The following VPS13B variants were observed in gnomAD, a reference collection of about 807,000 sequenced individuals.
The protein encoded by VPS13B is intermembrane lipid transfer protein VPS13B.
VPS13B carries 285 observed loss-of-function variants against 426.4 expected under a neutral mutation model. That is an observed-to-expected ratio of 0.67 (90% CI 0.61 to 0.74). The LOEUF (loss-of-function observed/expected upper bound fraction) is 0.74, where lower values mean the gene tolerates loss of function less well. Among genes scored for constraint, VPS13B ranks in the 30% least tolerant of loss-of-function variants. The pLI, the probability that VPS13B is intolerant of heterozygous loss-of-function variation, is 0.00. For missense variants in VPS13B, 4,537 were observed against 4,782.6 expected (o/e 0.95, Z 1.51); for synonymous variants, 1,676 against 1,676.4 (o/e 1.00, Z 0.01).
At chr8:99,274,162 C>A (rs763867732) in intron 17 of VPS13B, 36 bp from the exon 18 acceptor site, 4 of 1,613,470 alleles carry the variant, frequency 2.5e-6, no homozygotes, top group Non-Finnish European at 3.4e-6. Context: ...TATTTAAATT[C>A]AATCGGCTAG....
At chr8:99,791,260 A>G (rs533196585) in intron 43 of VPS13B, among the ~76,000 whole-genome samples, 2 of 152,278 alleles carry the variant, frequency 1.3e-5, no homozygotes, top group Admixed American at 6.5e-5. Context: ...GGGATGGCCA[A>G]CTTTCATGGT....
At chr8:99,421,972 G>A (rs560085179) in intron 21 of VPS13B, among the ~76,000 whole-genome samples, 7 of 152,192 alleles carry the variant, frequency 4.6e-5, no homozygotes, top group South Asian at 2.1e-4. Context: ...GTAAGCCACC[G>A]TGCCTGGACA....
chr8:99,264,059 G>C (rs1223483058), intron 17 of VPS13B, among the ~76,000 whole-genome samples: 1 of 151,894 alleles, frequency 6.6e-6, no homozygotes, highest in African/African-American at 2.4e-5. Context: ...GTTAATAACT[G>C]TCTTGGAGTT....
At chr8:99,419,052 A>G (rs1158701581) in intron 21 of VPS13B, among the ~76,000 whole-genome samples, 2 of 152,150 alleles carry the variant, frequency 1.3e-5, no homozygotes, top group Non-Finnish European at 2.9e-5. Flanking sequence ...TCTTCACCCA[A>G]ATCTCATGTG....
intron 3 of VPS13B, among the ~76,000 whole-genome samples, chr8:99,085,644 T>C (rs1002139858): frequency 1.3e-5 from 2 of 152,218 alleles, no homozygotes; most frequent in Non-Finnish European, 1.5e-5. Flanking sequence ...AGGGCAGGCC[T>C]GGTGGTGACA....
At chr8:99,758,766 C>G (rs1175006200) in intron 39 of VPS13B, among the ~76,000 whole-genome samples, 4 of 152,128 alleles carry the variant, frequency 2.6e-5, no homozygotes, top group Admixed American at 2.6e-4. Context: ...TTCCACTTTG[C>G]CCTCTGGATC....
chr8:99,022,459 T>G (rs1841946161), intron 2 of VPS13B, among the ~76,000 whole-genome samples: 2 of 152,202 alleles, frequency 1.3e-5, no homozygotes, highest in Admixed American at 1.3e-4. Context: ...GATTTCTAAT[T>G]TAATTCCACT....
rs1814119139 is a variant in VPS13B at position 99,817,591 on chromosome 8, G to C, written c.8149G>C (p.Glu2717Gln). 2.5e-6 allele frequency: 4 copies of C among 1,613,864 alleles called. No individual in the cohort carries two copies. The African/African-American group carries it at 5.3e-5, about 22-fold the overall frequency. Residue 2717 changes from glutamate to glutamine, a missense_variant, in exon 45 of 62, where the codon GAA becomes CAA. Around this residue, in one of 2 missense-constraint regions of VPS13B, gnomAD observed 4,311 missense variants for 4,474.3 expected, o/e 0.96. Transcript: ENST00000357162. Reference sequence around the variant, plus strand: ...CTGTAGTTACTTGTCTCAAAGCATAGAACTAAAAGTCGTTCAGCATTACAT... The same window carrying C: ...CTGTAGTTACTTGTCTCAAAGCATACAACTAAAAGTCGTTCAGCATTACAT... ...IICSYLSQSI[E>Q]LKVVQHYIGQ...
intron 33 of VPS13B, among the ~76,000 whole-genome samples, chr8:99,583,517 T>C (rs534573730): frequency 1.3e-4 from 20 of 152,246 alleles, no homozygotes; most frequent in Admixed American, 2.6e-4. Context: ...TAGAGGTTGT[T>C]TGGGGTGGTA....
At chr8:99,406,894 G>A (rs1392462242) in intron 21 of VPS13B, among the ~76,000 whole-genome samples, 1 of 152,210 alleles carries the variant, frequency 6.6e-6, no homozygotes, top group East Asian at 1.9e-4. Context: ...GTGTTAGATA[G>A]GGTTTGTAAC....
chr8:99,642,342 C>G lies in VPS13B; in HGVS notation c.5752C>G (p.Arg1918Gly). 1 of 1,614,076 alleles carries G rather than the reference C, an allele frequency of 6.2e-7. No individual in the cohort carries two copies. Among genetic ancestry groups the G allele is most frequent in the Non-Finnish European group, 8.5e-7 (1 of 1,180,000 alleles). Residue 1918 changes from arginine to glycine, a missense_variant, in exon 34 of 62, where the codon CGA (arginine) becomes GGA (glycine). By Grantham distance (125) the Arg-to-Gly change is moderately radical. Around this residue, in one of 2 missense-constraint regions of VPS13B, gnomAD observed 4,311 missense variants for 4,474.3 expected, o/e 0.96. Coordinates refer to ENST00000357162, the MANE Select transcript of VPS13B (RefSeq NM_152564.5). ...TATAACTATTGTTCGGCAGCCTGGT[C>G]GAAGAGGAACTGGTGACTTACAGCT... ...LGITIVRQPG[R>G]RGTGDLQLEP... is the part of the protein sequence containing the mutation.
intron 39 of VPS13B, among the ~76,000 whole-genome samples, chr8:99,725,931 C>T (rs939872954): frequency 6.6e-6 from 1 of 152,088 alleles, no homozygotes; most frequent in Admixed American, 6.6e-5. Flanking sequence ...AGGTTTAGTC[C>T]TCAAAACAGA....
intron 23 of VPS13B, among the ~76,000 whole-genome samples, chr8:99,449,182 G>T (rs1480137084): frequency 2.0e-5 from 3 of 152,136 alleles, no homozygotes; most frequent in Non-Finnish European, 4.4e-5. Flanking sequence ...GACAAAAACT[G>T]TCCAAACTTA....
intron 19 of VPS13B, among the ~76,000 whole-genome samples, chr8:99,382,107 T>C (rs750722711): frequency 2.6e-5 from 4 of 152,108 alleles, no homozygotes; most frequent in African/African-American, 4.8e-5. Flanking sequence ...GCCTGTTTTT[T>C]TCAGGTTTGT....
Position 99,551,725 on chromosome 8 carries a change from C to A in VPS13B, c.4746-4725C>A, listed in dbSNP as rs572796830. 1.7e-3 allele frequency among the ~76,000 whole-genome samples: 255 copies of A among 152,008 alleles called. 1 individual carries two copies. Among genetic ancestry groups the A allele is most frequent in the Non-Finnish European group, 3.0e-3 (203 of 67,902 alleles). ...CTTAGAACATTTTATCTCAAATTAT[C>A]TGGTCCCCTTATTTATATATTATTA... On this transcript the variant is annotated intron_variant, in intron 30 of 61. Coordinates refer to ENST00000357162, the MANE Select transcript of VPS13B (RefSeq NM_152564.5).
intron 39 of VPS13B, among the ~76,000 whole-genome samples, chr8:99,743,081 T>G (rs553262394): frequency 6.6e-6 from 1 of 152,236 alleles, no homozygotes; most frequent in East Asian, 1.9e-4. Context: ...AAAACCCCAT[T>G]ATCTCAGCCC....
At chr8:99,370,840 A>G (rs1041073829) in intron 19 of VPS13B, among the ~76,000 whole-genome samples, 2 of 151,814 alleles carry the variant, frequency 1.3e-5, no homozygotes, top group Non-Finnish European at 2.9e-5. Flanking sequence ...GAACTCCTAG[A>G]CTCAAGTCAT....
At position 99,162,973 on chromosome 8, in the gene VPS13B, G is replaced by C. The variant is rs532431987; in HGVS notation, c.2208+6230G>C. ...TGAGCTAGATACAAAGGTTCTCCAC[G>C]TCCCCATCAGATTAGTTAGATACAG... On this transcript the variant is annotated intron_variant, in intron 15 of 61. Coordinates refer to ENST00000357162, the MANE Select transcript of VPS13B (RefSeq NM_152564.5). Among the ~76,000 whole-genome samples the C allele has an allele frequency of 5.2e-3, 788 of 152,160 alleles. 5 individuals are homozygous for C. Among genetic ancestry groups the C allele is most frequent in the African/African-American group, 0.018 (728 of 41,524 alleles).
intron 16 of VPS13B, among the ~76,000 whole-genome samples, chr8:99,183,708 A>C (rs538123923): frequency 2.1e-4 from 32 of 152,182 alleles, no homozygotes; most frequent in Non-Finnish European, 3.5e-4. Context: ...GTAGTATTGA[A>C]GTAATAAAGG....
Sources: allele counts gnomAD v4.1 joint callset (sites outside exome capture counted in the v4.1 genomes callset), GRCh38; gene constraint gnomAD v4.1.1; regional missense constraint gnomAD v4.1.1; transcripts MANE v1.5; gene names NCBI Gene and HGNC (gene_info 2026-07-23, HGNC 2026-07-21).